Variants in VAC14 observed in about 807,000 individuals in gnomAD.
VAC14 encodes the protein protein VAC14 homolog.
VAC14 carries 47 observed loss-of-function variants against 85.3 expected under a neutral mutation model. The ratio of observed to expected loss-of-function variants is 0.55; its 90% CI spans 0.44 to 0.70. The LOEUF is 0.70. Among genes scored for constraint, VAC14 ranks in the 30% least tolerant of loss-of-function variants. VAC14 has a pLI of 0.00. For missense variants in VAC14, 861 were observed against 1,004.3 expected (o/e 0.86, Z 1.93); for synonymous variants, 447 against 430.5 (o/e 1.04, Z -0.47).
chr16:70,780,387 A>G (rs541990600), intron 9 of VAC14, among the ~76,000 whole-genome samples: 90 of 152,304 alleles, frequency 5.9e-4, no homozygotes, highest in Non-Finnish European at 1.1e-3. Flanking sequence ...CCAAGAATCA[A>G]GTGCCCCCTG....
At chr16:70,737,382 C>T (rs967382874) in intron 13 of VAC14, among the ~76,000 whole-genome samples, 1 of 151,964 alleles carries the variant, frequency 6.6e-6, no homozygotes, top group East Asian at 1.9e-4. Context: ...CAGCAGGGGG[C>T]GAGGGAGAGG....
At chr16:70,751,294 A>G (rs17248914) in intron 12 of VAC14, among the ~76,000 whole-genome samples, 16,555 of 152,286 alleles carry the variant, frequency 0.11, 1,066 homozygotes, top group Middle Eastern at 0.18. Context: ...AGCTGCAAGA[A>G]TGTTTCCAAC....
chr16:70,698,173 G>A (rs748817154), intron 15 of VAC14, among the ~76,000 whole-genome samples: 4 of 152,198 alleles, frequency 2.6e-5, no homozygotes, highest in Non-Finnish European at 5.9e-5. Context: ...AGCCAGATGT[G>A]CCCAGCTGTG....
At position 70,697,198 on chromosome 16, in the gene VAC14, C is replaced by T. The variant is rs146202088; in HGVS notation, c.1896G>A (p.Thr632=). The change falls in exon 16 of 19, where the codon ACG becomes ACA. Residue 632 remains threonine (T), a synonymous_variant. Transcript: ENST00000261776. ...TCTGGGTGAGGAAGCAGAGGGACACCGTGGTGACTGGGTTGTGGCACCAGG... is the reference window on the plus strand; with the variant it reads ...TCTGGGTGAGGAAGCAGAGGGACACTGTGGTGACTGGGTTGTGGCACCAGG... ...YRSWCHNPVT[T]VSLCFLTQNY... 960 of 1,614,018 alleles carry T rather than the reference C, an allele frequency of 5.9e-4. 4 individuals are homozygous for T. The highest frequency in any genetic ancestry group is 1.8e-3 in the Middle Eastern group (11 of 6,062).
chr16:70,705,633 G>A (rs2053906163), intron 14 of VAC14, among the ~76,000 whole-genome samples: 1 of 152,220 alleles, frequency 6.6e-6, no homozygotes, highest in Non-Finnish European at 1.5e-5. Context: ...AAGGTTGAGA[G>A]ATGAGCGTGG....
chr16:70,793,804 A>G (rs2034433929), intron 1 of VAC14, among the ~76,000 whole-genome samples: 1 of 152,246 alleles, frequency 6.6e-6, no homozygotes, highest in African/African-American at 2.4e-5. Flanking sequence ...ACATGCTCAA[A>G]TAACAGTATT....
At chr16:70,694,890 T>G (rs1201129827) in intron 17 of VAC14, among the ~76,000 whole-genome samples, 1 of 152,160 alleles carries the variant, frequency 6.6e-6, no homozygotes, top group East Asian at 1.9e-4. Context: ...GCAGAGGGAC[T>G]CGGGACCCAC....
At chr16:70,764,869 T>G (rs1048242945) in intron 10 of VAC14, among the ~76,000 whole-genome samples, 3 of 152,336 alleles carry the variant, frequency 2.0e-5, no homozygotes, top group Non-Finnish European at 2.9e-5. Flanking sequence ...TTGTCATCTC[T>G]GGCAGTTTCC....
At chr16:70,785,040 C>T (rs2033983928) in intron 3 of VAC14, among the ~76,000 whole-genome samples, 2 of 152,260 alleles carry the variant, frequency 1.3e-5, no homozygotes, top group East Asian at 3.8e-4. Context: ...GGAGCAGATT[C>T]AGGAAATACC....
intron 15 of VAC14, 71 bp downstream of exon 15, chr16:70,698,566 G>A (rs1235847420): frequency 6.3e-7 from 1 of 1,575,360 alleles, no homozygotes; most frequent in African/African-American, 1.4e-5. Flanking sequence ...CAGCCGAGGG[G>A]CGGGCTCACA....
chr16:70,725,085 A>C (rs1199124769), intron 14 of VAC14, among the ~76,000 whole-genome samples: 1 of 152,258 alleles, frequency 6.6e-6, no homozygotes, highest in African/African-American at 2.4e-5. Context: ...GGCCAGAGGC[A>C]AACAGGGATC....
chr16:70,751,610 C>T (rs1344413906), intron 12 of VAC14, among the ~76,000 whole-genome samples: 1 of 152,256 alleles, frequency 6.6e-6, no homozygotes, highest in Non-Finnish European at 1.5e-5. Context: ...CAAGCCTCTT[C>T]AGTCCCTGAC....
At position 70,687,980 on chromosome 16, in the gene VAC14, C is replaced by T. The variant is rs145401972; in HGVS notation, c.2297G>A (p.Arg766Gln). The T allele has an allele frequency of 2.7e-5, 43 of 1,596,618 alleles. No individual in the cohort carries two copies. The highest frequency in any genetic ancestry group is 1.5e-4 in the African/African-American group (11 of 74,244). Residue 766 changes from arginine (R) to glutamine (Q), a missense_variant, in exon 19 of 19, where the codon CGG becomes CAG. Coordinates refer to ENST00000261776, the MANE Select transcript of VAC14 (RefSeq NM_018052.5). ...EKVQNKHLEV[R>Q]HQRSGRGDHL... ...GTCCCCACGCCCGCTCCGCTGGTGC[C>T]GCACTTCCAGGTGCTTGTTCTGGAC...
At chr16:70,794,854 G>A (rs1196270224) in intron 1 of VAC14, among the ~76,000 whole-genome samples, 2 of 152,214 alleles carry the variant, frequency 1.3e-5, no homozygotes, top group Non-Finnish European at 2.9e-5. Context: ...TTGAGCCACT[G>A]GGTAATAAAT....
At chr16:70,691,475 TCTCTCGG>T in intron 18 of VAC14, 1 of 985,204 alleles carries the variant, frequency 1.0e-6, no homozygotes, top group African/African-American at 1.7e-5. Context: ...TCTCTCGGAG[TCTCTCGG>T]GAGCTGACAG....
chr16:70,783,723 C>G (rs141267350), intron 5 of VAC14, among the ~76,000 whole-genome samples, 169 bp from the exon 6 acceptor site: 75 of 152,314 alleles, frequency 4.9e-4, no homozygotes, highest in African/African-American at 1.7e-3. Flanking sequence ...GTCAGCATTT[C>G]TTGTTTAATG....
At position 70,762,573 on chromosome 16, in the gene VAC14, G is replaced by C; in HGVS notation, c.1338C>G (p.Ile446Met). 1 of 1,614,160 alleles carries C rather than the reference G, an allele frequency of 6.2e-7. No homozygotes were observed. The highest frequency in any genetic ancestry group is 8.5e-7 in the Non-Finnish European group (1 of 1,180,018). Residue 446 changes from isoleucine (I) to methionine (M), a missense_variant, in exon 12 of 19, where the codon ATC (isoleucine) becomes ATG (methionine). Transcript: ENST00000261776. The surrounding 1 kb of genome is among the most constrained non-coding windows in gnomAD (Gnocchi z 4.1). ...MFRHTDSLFP[I>M]LLQTLSDESD... ...ATTCATCCGATAACGTCTGCAGTAG[G>C]ATGGGAAAGAGGCTGTCCGTGTGCC...
At chr16:70,777,029 G>A (rs182676273) in intron 9 of VAC14, among the ~76,000 whole-genome samples, 173 of 152,038 alleles carry the variant, frequency 1.1e-3, no homozygotes, top group African/African-American at 3.5e-3. Context: ...GGCTGGTCTC[G>A]AACTCCTGAC....
intron 1 of VAC14, among the ~76,000 whole-genome samples, chr16:70,789,535 G>C (rs865783323): frequency 1.3e-5 from 2 of 152,192 alleles, no homozygotes; most frequent in East Asian, 3.9e-4. Flanking sequence ...TAGAATTCTC[G>C]CCTGCCACGC....
Sources: gnomAD v4.1 joint callset for allele counts (sites outside exome capture counted in the v4.1 genomes callset) on GRCh38, gnomAD v4.1.1 for gene constraint, Gnocchi (gnomAD v3.1) non-coding constraint, MANE v1.5 for transcripts, NCBI Gene and HGNC (gene_info 2026-07-23, HGNC 2026-07-21) for gene names.